The following HSD17B4 variants were observed in gnomAD, a reference collection of about 807,000 sequenced individuals.
HSD17B4 encodes the protein peroxisomal multifunctional enzyme type 2.
HSD17B4 carries 70 observed loss-of-function variants against 101.0 expected under a neutral mutation model. That is an observed-to-expected ratio of 0.69 (90% CI 0.57 to 0.85). The LOEUF is 0.85. HSD17B4 is among the 40% of genes least tolerant of loss of function. The pLI, the probability that HSD17B4 is intolerant of heterozygous loss-of-function variation, is 0.00. For missense variants in HSD17B4, 984 were observed against 892.4 expected (o/e 1.10, Z -1.31); for synonymous variants, 347 against 297.1 (o/e 1.17, Z -1.73).
intron 2 of HSD17B4, chr5:119,472,340 C>G (rs1268303550): frequency 1.3e-5 from 2 of 152,152 alleles, no homozygotes; most frequent in Admixed American, 6.5e-5. Flanking sequence ...CTTATGACAT[C>G]TATCCTCTTC....
chr5:119,456,106 T>C (rs1307891252), intron 1 of HSD17B4, among the ~76,000 whole-genome samples: 1 of 152,180 alleles, frequency 6.6e-6, no homozygotes, highest in Non-Finnish European at 1.5e-5. Context: ...GGTAGTAGAA[T>C]AGGTGGAAAA....
chr5:119,499,513 G>A lies in HSD17B4; in HGVS notation c.1169G>A (p.Gly390Glu). 1 of 1,613,456 alleles carries A rather than the reference G, an allele frequency of 6.2e-7. No homozygotes were observed. Among genetic ancestry groups the A allele is most frequent in the Non-Finnish European group, 8.5e-7 (1 of 1,179,496 alleles). ...IIGQKSMMGG[G>E]LAEIPGLSIN... The stretch of plus-strand genomic sequence containing the variant: ...GGTCAGAAATCTATGATGGGTGGAG[G>A]ATTAGCAGAAATTCCTGGACTTTCA... Residue 390 changes from glycine to glutamate, a missense_variant, in exon 13 of 24, where the codon GGA (glycine) becomes GAA (glutamate). By Grantham distance (98) the Gly-to-Glu change is moderately conservative. Coordinates refer to ENST00000510025, the MANE Select transcript of HSD17B4 (RefSeq NM_000414.4).
intron 19 of HSD17B4, among the ~76,000 whole-genome samples, chr5:119,526,770 A>AC (rs1347020670): frequency 6.6e-6 from 1 of 151,838 alleles, no homozygotes; most frequent in Non-Finnish European, 1.5e-5. Context: ...CTGCATACTC[A>AC]CCCCAGGCCT....
intron 9 of HSD17B4, among the ~76,000 whole-genome samples, chr5:119,489,703 C>G (rs1282763199): frequency 6.6e-6 from 1 of 152,088 alleles, no homozygotes; most frequent in Non-Finnish European, 1.5e-5. Flanking sequence ...TATTTTAAAC[C>G]CTTGGCATAA....
In HSD17B4 at chr5:119,533,905, CAT is replaced by C. The variant is rs756654024; in HGVS notation, c.1993+2503_1993+2504del. On this transcript the variant is annotated intron_variant, in intron 22 of 23. Transcript: ENST00000510025. ...ATTTGTCTGTAAACAAAATGAATAT[CAT>C]AGAATTTGGCCCACAGGTTTTAAAT... 2.0e-3 allele frequency among the ~76,000 whole-genome samples: 307 copies of C among 152,132 alleles called. 1 individual carries two copies. The highest frequency in any genetic ancestry group is 3.0e-3 in the Non-Finnish European group (203 of 67,962).
rs1750347896 is a variant in HSD17B4, at chr5:119,493,873, T to C, written c.795T>C (p.Thr265=). The change falls in exon 11 of 24, where the codon ACT becomes ACC. Residue 265 remains threonine (T), a synonymous_variant. Coordinates refer to ENST00000510025, the MANE Select transcript of HSD17B4 (RefSeq NM_000414.4). The part of the protein sequence containing the change: ...AIVRQKNHPM[T]PEAVKANWKK... ...TAAGACAAAAGAATCACCCAATGACTCCTGAGGCAGTCAAGGCTAACTGGA... is the reference window on the plus strand; with the variant it reads ...TAAGACAAAAGAATCACCCAATGACCCCTGAGGCAGTCAAGGCTAACTGGA... 6.2e-7 allele frequency: 1 copy of C among 1,613,032 alleles called. No homozygotes were observed. Among genetic ancestry groups the C allele is most frequent in the South Asian group, 1.1e-5 (1 of 91,080 alleles).
rs945649055 is a variant in HSD17B4 at position 119,522,963 on chromosome 5, C to T, written c.1504-2253C>T. The stretch of plus-strand genomic sequence containing the variant: ...CTCTTCCATGCACTGCTTTTGCACC[C>T]CCCAAGCCCTGCCACTCTGCAGTAG... On this transcript the variant is annotated intron_variant, in intron 17 of 23. Transcript: ENST00000510025. Among the ~76,000 whole-genome samples, 3 of 152,110 alleles carry T rather than the reference C, an allele frequency of 2.0e-5. 1 individual carries two copies. The South Asian group carries it at 6.2e-4, about 32-fold the overall frequency.
intron 22 of HSD17B4, among the ~76,000 whole-genome samples, chr5:119,533,644 G>A (rs1243900944): frequency 6.6e-6 from 1 of 152,072 alleles, no homozygotes; most frequent in Non-Finnish European, 1.5e-5. Context: ...TACCAACACT[G>A]TAGCCAACCA....
rs371682983 is a variant in HSD17B4, at chr5:119,502,106, A to G, written c.1261+14A>G. ...TTCCCAGAGCAGGTGAGTTATTGAT[A>G]TACTAATTCCATAATACCATACTTT... is the stretch of plus-strand genomic sequence containing the variant. On this transcript the variant is annotated intron_variant, in intron 14 of 23. Coordinates refer to ENST00000510025, the MANE Select transcript of HSD17B4 (RefSeq NM_000414.4). 5.7e-5 allele frequency: 85 copies of G among 1,487,596 alleles called. No homozygotes were observed. In the African/African-American group the frequency reaches 1.0e-3, roughly 18 times the overall value. 92.1% of individuals were successfully genotyped at this position (1,487,596 alleles called of 1,614,324 possible).
At chr5:119,532,689 T>G (rs1486435315) in intron 22 of HSD17B4, among the ~76,000 whole-genome samples, 1 of 152,052 alleles carries the variant, frequency 6.6e-6, no homozygotes, top group Admixed American at 6.6e-5. Flanking sequence ...TTGAATCCTA[T>G]TTTATTGTTC....
chr5:119,456,378 T>G lies in HSD17B4; in HGVS notation c.112+10T>G. 2 of 1,579,032 alleles carry G rather than the reference T, an allele frequency of 1.3e-6. No individual in the cohort carries two copies. The highest frequency in any genetic ancestry group is 1.7e-6 in the Non-Finnish European group (2 of 1,147,948). On this transcript the variant is annotated intron_variant, in intron 2 of 23. Transcript: ENST00000510025. ...GGAGCGTTAGTTGTTGGTAAGTTGG[T>G]GTGTTTTTCTTTTTAATCTGTAGCT... is the stretch of plus-strand genomic sequence containing the variant.
chr5:119,536,501 C>T lies in HSD17B4; in HGVS notation c.2072C>T (p.Ser691Leu). The change falls in exon 23 of 24, where the codon TCA becomes TTA. Residue 691 changes from serine (S) to leucine (L), a missense_variant. By Grantham distance (145) the Ser-to-Leu change is moderately radical (BLOSUM62 -2). Coordinates refer to ENST00000510025, the MANE Select transcript of HSD17B4 (RefSeq NM_000414.4). ...KGAADTTIILSDEDFMEVVLG... is the reference protein window; with the variant it reads ...KGAADTTIILLDEDFMEVVLG... ...GCTGCTGATACAACAATCATACTTT[C>T]AGATGAAGATTTCATGGAGGTGGTC... 6.2e-7 allele frequency: 1 copy of T among 1,611,966 alleles called. No individual in the cohort carries two copies. Among genetic ancestry groups the T allele is most frequent in the Non-Finnish European group, 8.5e-7 (1 of 1,178,318 alleles).
intron 15 of HSD17B4, among the ~76,000 whole-genome samples, chr5:119,508,424 A>G (rs921787001): frequency 5.3e-5 from 8 of 152,106 alleles, no homozygotes; most frequent in African/African-American, 1.9e-4. Flanking sequence ...GCCTTTCCTT[A>G]TTTTTGTTTA....
rs1283704216 is a variant in HSD17B4 at position 119,531,291 on chromosome 5, T to A, written c.1880T>A (p.Val627Glu). The change falls in exon 22 of 24, where the codon GTA becomes GAA. Residue 627 changes from valine to glutamate, a missense_variant. Physicochemically the swap from Val to Glu is moderately radical, Grantham distance 121. Transcript: ENST00000510025. ...SEGGKLQSTF[V>E]FEEIGRRLKD... ...GGCGGGAAGCTTCAGAGTACCTTTG[T>A]ATTTGAGGAAATAGGACGCCGCCTA... 6 of 1,613,670 alleles carry A rather than the reference T, an allele frequency of 3.7e-6. No homozygotes were observed. The highest frequency in any genetic ancestry group is 1.1e-5 in the South Asian group (1 of 91,090).
chr5:119,532,865 G>T (rs904603658), intron 22 of HSD17B4, among the ~76,000 whole-genome samples: 2 of 151,762 alleles, frequency 1.3e-5, no homozygotes, highest in African/African-American at 2.4e-5. Context: ...AAAATAAACA[G>T]TTTTTTTTCT....
Position 119,542,003 on chromosome 5 carries a change from C to G in HSD17B4, c.*9C>G, listed in dbSNP as rs1395881590. The stretch of plus-strand genomic sequence containing the variant: ...ACTACGCCAAGCTCTGAAGGGCACA[C>G]TACACTATTAATAAAAATGGAATCA... On this transcript the variant is annotated 3_prime_UTR_variant, in exon 24 of 24. Transcript: ENST00000510025. The G allele has an allele frequency of 1.3e-6, 2 of 1,563,588 alleles. No individual in the cohort carries two copies. The highest frequency in any genetic ancestry group is 1.4e-5 in the African/African-American group (1 of 73,508).
intron 16 of HSD17B4, among the ~76,000 whole-genome samples, chr5:119,511,017 C>A (rs1580657806): frequency 6.6e-6 from 1 of 152,106 alleles, no homozygotes; most frequent in East Asian, 1.9e-4. Context: ...TTGCACTTGC[C>A]CTAGCTTTCC....
At chr5:119,473,830 T>G in intron 2 of HSD17B4, 78 bp from the exon 3 acceptor site, 1 of 865,800 alleles carries the variant, frequency 1.2e-6, no homozygotes, top group Non-Finnish European at 1.9e-6. Flanking sequence ...TAATTAGAAT[T>G]TCATTTTCCA....
chr5:119,525,872 C>A, intron 18 of HSD17B4, 45 bp from the exon 19 acceptor site: 1 of 1,124,272 alleles, frequency 8.9e-7, no homozygotes, highest in Non-Finnish European at 1.4e-6. Context: ...GATTTTTAAA[C>A]TTTAAAGGTA....
Sources: gnomAD v4.1 joint callset for allele counts (sites outside exome capture counted in the v4.1 genomes callset) on GRCh38, gnomAD v4.1.1 for gene constraint, MANE v1.5 for transcripts, NCBI Gene and HGNC (gene_info 2026-07-23, HGNC 2026-07-21) for gene names.